RAB18: variants seen among roughly 807,000 people sequenced by gnomAD.
The protein encoded by RAB18 is RAB18, member RAS oncogene family.
RAB18 carries 10 observed loss-of-function variants against 28.5 expected under a neutral mutation model. That is an observed-to-expected ratio of 0.35 (90% CI 0.22 to 0.60). The LOEUF is 0.60. Ranked by LOEUF, RAB18 falls within the 20% of genes least tolerant of loss-of-function variation. The pLI is 0.78. For synonymous variants in RAB18, 93 were observed against 86.9 expected (o/e 1.07, Z -0.39); for missense variants, 188 against 244.2 (o/e 0.77, Z 1.53).
At chr10:27,530,056 G>A (rs981005714) in intron 3 of RAB18, among the ~76,000 whole-genome samples, 9 of 151,990 alleles carry the variant, frequency 5.9e-5, no homozygotes, top group Admixed American at 1.3e-4. Flanking sequence ...TGATTTTTAT[G>A]TTGTGTTTCA....
chr10:27,515,292 A>G (rs1834415081), intron 2 of RAB18, among the ~76,000 whole-genome samples: 1 of 152,126 alleles, frequency 6.6e-6, no homozygotes, highest in African/African-American at 2.4e-5. Flanking sequence ...AATAGGCACA[A>G]TTCGCTTTAA....
chr10:27,533,337 G>T (rs1834825069), intron 4 of RAB18, among the ~76,000 whole-genome samples: 1 of 151,462 alleles, frequency 6.6e-6, no homozygotes, highest in African/African-American at 2.4e-5. Flanking sequence ...AAATTAATGG[G>T]GTCATAGATG....
At chr10:27,516,429 G>C (rs12249534) in intron 2 of RAB18, among the ~76,000 whole-genome samples, 5,565 of 151,976 alleles carry the variant, frequency 0.037, 318 homozygotes, top group African/African-American at 0.13. Flanking sequence ...GTGGTGGCAG[G>C]TGTGTGTAAT....
chr10:27,504,334 G>T lies in RAB18; in HGVS notation c.-36G>T. 1 of 1,559,544 alleles carries T rather than the reference G, an allele frequency of 6.4e-7. No individual in the cohort carries two copies. The highest frequency in any genetic ancestry group is 2.3e-5 in the East Asian group (1 of 42,652). ...GCTGAAGGGCTGAGAGGCGCACCCG[G>T]GCGGCCAGCTGGGCTCGGAGCGGAA... On this transcript the variant is annotated 5_prime_UTR_variant, in exon 1 of 7. Transcript: ENST00000356940.
chr10:27,509,771 T>C, intron 1 of RAB18, 104 bp from the exon 2 acceptor site: 1 of 955,786 alleles, frequency 1.0e-6, no homozygotes. Flanking sequence ...ACATCAGTTA[T>C]TTTTATCTGC....
At chr10:27,504,466 G>A in intron 1 of RAB18, 29 bp downstream of exon 1, 1 of 1,555,126 alleles carries the variant, frequency 6.4e-7, no homozygotes, top group Non-Finnish European at 8.7e-7. Context: ...TCGTGACGAG[G>A]GTGGCTGGGC....
intron 2 of RAB18, among the ~76,000 whole-genome samples, chr10:27,515,533 T>G: frequency 6.6e-6 from 1 of 152,138 alleles, no homozygotes; most frequent in East Asian, 1.9e-4. Context: ...AAATTGTGGT[T>G]GTTATGGGTT....
At chr10:27,532,419 G>T in intron 3 of RAB18, 88 bp from the exon 4 acceptor site, 1 of 954,420 alleles carries the variant, frequency 1.0e-6, no homozygotes, top group East Asian at 2.5e-5. Flanking sequence ...ACTATTTTTA[G>T]TAATGCTGTT....
intron 3 of RAB18, among the ~76,000 whole-genome samples, chr10:27,529,299 A>C (rs1355253599): frequency 6.6e-6 from 1 of 151,906 alleles, no homozygotes; most frequent in Non-Finnish European, 1.5e-5. Context: ...ATATGGTTGG[A>C]TCAGCTATTT....
intron 6 of RAB18, among the ~76,000 whole-genome samples, 178 bp downstream of exon 6, chr10:27,534,172 G>A (rs1231626482): frequency 6.6e-6 from 1 of 152,112 alleles, no homozygotes; most frequent in Non-Finnish European, 1.5e-5. Flanking sequence ...CCTGTAAAAT[G>A]TATGATCATA....
chr10:27,534,017 G>C (rs1255413057), intron 6 of RAB18, 23 bp downstream of exon 6: 10 of 1,561,164 alleles, frequency 6.4e-6, no homozygotes, highest in Non-Finnish European at 8.8e-6. Context: ...ATGAATATCT[G>C]TCCTTTCATT....
At chr10:27,515,585 TCTG>T (rs549165795) in intron 2 of RAB18, among the ~76,000 whole-genome samples, 4 of 152,258 alleles carry the variant, frequency 2.6e-5, no homozygotes, top group South Asian at 2.1e-4. Flanking sequence ...ACCTATGACT[TCTG>T]CTGGGCACAG....
At position 27,538,619 on chromosome 10, in the gene RAB18, G is replaced by A. The variant is rs1276210877; in HGVS notation, c.*568G>A. On this transcript the variant is annotated 3_prime_UTR_variant, in exon 7 of 7. Coordinates refer to ENST00000356940, the MANE Select transcript of RAB18 (RefSeq NM_021252.5). Reference sequence around the variant, plus strand: ...CTAAATCTCTATTTGTTCGGATGATGCTTCTAAAACAGCATTGATAGGTTA... The same window carrying A: ...CTAAATCTCTATTTGTTCGGATGATACTTCTAAAACAGCATTGATAGGTTA... The A allele has an allele frequency of 2.2e-6, 1 of 454,228 alleles. No individual in the cohort carries two copies. The highest frequency in any genetic ancestry group is 4.4e-6 in the Non-Finnish European group (1 of 226,758). The allele number at this position is 454,228 out of a possible 1,614,324, so 28.1% of individuals were successfully genotyped here.
In RAB18 at chr10:27,509,861, A is replaced by C; in HGVS notation, c.69-14A>C. On this transcript the variant is annotated splice_polypyrimidine_tract_variant and intron_variant, in intron 1 of 6. Transcript: ENST00000356940. The stretch of plus-strand genomic sequence containing the variant: ...ATTCAAGTTCCCAACCTGTCTTTTT[A>C]ATATCTCTTTCAGCCTGCTCTTGAG... 6.2e-7 allele frequency: 1 copy of C among 1,607,692 alleles called. No homozygotes were observed. Among genetic ancestry groups the C allele is most frequent in the Middle Eastern group, 1.7e-4 (1 of 6,052 alleles).
At chr10:27,516,003 C>T (rs907792970) in intron 2 of RAB18, among the ~76,000 whole-genome samples, 8 of 152,042 alleles carry the variant, frequency 5.3e-5, no homozygotes, top group African/African-American at 1.9e-4. Context: ...TTTTTGTTGT[C>T]TTTTCCTAAG....
chr10:27,532,659 C>T (rs1276697646), intron 4 of RAB18, 80 bp downstream of exon 4: 12 of 1,070,272 alleles, frequency 1.1e-5, no homozygotes, highest in Non-Finnish European at 1.7e-5. Flanking sequence ...GTTAATATGT[C>T]TTTGTTTTAC....
intron 1 of RAB18, chr10:27,504,653 AG>A (rs1031358537): frequency 2.7e-6 from 2 of 740,772 alleles, no homozygotes; most frequent in African/African-American, 3.4e-5. Flanking sequence ...GCCAGGCCCA[AG>A]TTCTCTGGGT....
intron 3 of RAB18, among the ~76,000 whole-genome samples, chr10:27,531,934 C>T (rs977201431): frequency 6.6e-6 from 1 of 151,788 alleles, no homozygotes; most frequent in African/African-American, 2.4e-5. Context: ...TTCACTAACC[C>T]TAACATGAGT....
intron 3 of RAB18, chr10:27,531,499 A>G (rs540105345): frequency 1.3e-6 from 2 of 1,543,252 alleles, no homozygotes; most frequent in African/African-American, 1.4e-5. Context: ...TTGAGGTTTG[A>G]TACATGTTTT....
Sources: allele counts gnomAD v4.1 joint callset (sites outside exome capture counted in the v4.1 genomes callset), GRCh38; gene constraint gnomAD v4.1.1; transcripts MANE v1.5; gene names NCBI Gene and HGNC (gene_info 2026-07-23, HGNC 2026-07-21).